Variants in COG5 observed in about 807,000 individuals in gnomAD.
COG5 encodes conserved oligomeric Golgi complex subunit 5.
Under a neutral mutation model 110.4 loss-of-function variants are expected in COG5, and 86 were observed. The ratio of observed to expected loss-of-function variants is 0.78; its 90% CI spans 0.65 to 0.93. The LOEUF (loss-of-function observed/expected upper bound fraction) is 0.93. COG5 is among the 40% of genes least tolerant of loss of function. The probability of loss-of-function intolerance (pLI) is 0.00; values close to 1 mark genes in which losing one functional copy is unlikely to be tolerated. For synonymous variants in COG5, 360 were observed against 334.6 expected (o/e 1.08, Z -0.83); for missense variants, 1,077 against 987.0 (o/e 1.09, Z -1.22).
At chr7:107,327,821 G>A (rs1185666598) in intron 10 of COG5, among the ~76,000 whole-genome samples, 5 of 152,194 alleles carry the variant, frequency 3.3e-5, no homozygotes, top group Non-Finnish European at 1.5e-5. Context: ...AGGATGTGGA[G>A]AAACTGGAAA....
intron 6 of COG5, among the ~76,000 whole-genome samples, chr7:107,478,015 C>T (rs1235956489): frequency 6.6e-6 from 1 of 151,844 alleles, no homozygotes; most frequent in East Asian, 1.9e-4. Context: ...GACCTTTCTT[C>T]AGACTAAATT....
chr7:107,465,021 T>C (rs566790999), intron 6 of COG5, among the ~76,000 whole-genome samples: 1 of 152,264 alleles, frequency 6.6e-6, no homozygotes, highest in African/African-American at 2.4e-5. Context: ...TGTTAGGGCT[T>C]TGCATTCTCA....
chr7:107,466,115 T>G (rs940165238), intron 6 of COG5, among the ~76,000 whole-genome samples: 3 of 152,160 alleles, frequency 2.0e-5, no homozygotes, highest in Admixed American at 6.5e-5. Context: ...GCTATTTGTG[T>G]AGTTCCTTGA....
At chr7:107,259,119 T>C (rs1177607917) in intron 14 of COG5, among the ~76,000 whole-genome samples, 1 of 151,986 alleles carries the variant, frequency 6.6e-6, no homozygotes, top group Non-Finnish European at 1.5e-5. Flanking sequence ...AGTTAATCTC[T>C]TAACTGTCAT....
intron 12 of COG5, among the ~76,000 whole-genome samples, chr7:107,297,541 C>T (rs935952790): frequency 4.7e-5 from 7 of 149,494 alleles, no homozygotes; most frequent in African/African-American, 1.2e-4. Flanking sequence ...CTCCGTCTCC[C>T]GGGTTCAAGC....
intron 10 of COG5, among the ~76,000 whole-genome samples, chr7:107,356,637 A>C (rs190349743): frequency 3.9e-5 from 6 of 152,278 alleles, no homozygotes; most frequent in Admixed American, 3.9e-4. Flanking sequence ...CATTTTTTTT[A>C]AGTCTGTTAT....
chr7:107,219,485 A>G (rs1029296145), intron 19 of COG5, among the ~76,000 whole-genome samples: 9 of 152,200 alleles, frequency 5.9e-5, no homozygotes, highest in African/African-American at 2.2e-4. Flanking sequence ...TATATACAAA[A>G]TAGAGTACTA....
chr7:107,207,824 T>C, intron 21 of COG5: 1 of 985,452 alleles, frequency 1.0e-6, no homozygotes, highest in Non-Finnish European at 1.2e-6. Flanking sequence ...GCATCTGGTG[T>C]CAGAAGAAAA....
chr7:107,287,472 A>T (rs1280133953), intron 12 of COG5, among the ~76,000 whole-genome samples: 1 of 152,216 alleles, frequency 6.6e-6, no homozygotes, highest in East Asian at 1.9e-4. Flanking sequence ...GACAACTTTC[A>T]TATATATAAT....
intron 10 of COG5, among the ~76,000 whole-genome samples, chr7:107,356,166 GT>G (rs1265115045): frequency 6.6e-6 from 1 of 151,926 alleles, no homozygotes; most frequent in Non-Finnish European, 1.5e-5. Flanking sequence ...GCTTTTTTGG[GT>G]AGAAATAAAA....
At chr7:107,340,220 A>G (rs1463500965) in intron 10 of COG5, among the ~76,000 whole-genome samples, 1 of 152,120 alleles carries the variant, frequency 6.6e-6, no homozygotes, top group African/African-American at 2.4e-5. Context: ...GAAATACAAA[A>G]GCTCCTCAGA....
At chr7:107,544,311 T>C (rs1424061688) in intron 5 of COG5, among the ~76,000 whole-genome samples, 2 of 152,092 alleles carry the variant, frequency 1.3e-5, no homozygotes, top group African/African-American at 2.4e-5. Context: ...GGTTGGCTCC[T>C]GCAGATTCAA....
intron 12 of COG5, among the ~76,000 whole-genome samples, chr7:107,286,305 A>G (rs372758427): frequency 3.3e-4 from 50 of 152,306 alleles, no homozygotes; most frequent in Middle Eastern, 3.4e-3. Flanking sequence ...ATTTTACTCT[A>G]AAGAACTTGT....
At position 107,281,405 on chromosome 7, in the gene COG5, G is replaced by A; in HGVS notation, c.1476-6C>T. On this transcript the variant is annotated splice_region_variant and splice_polypyrimidine_tract_variant and intron_variant, in intron 13 of 21. Transcript: ENST00000297135. The stretch of plus-strand genomic sequence containing the variant: ...CAGCAGCAACATTTAGTTCACTGGA[G>A]AAAATGAAAACAGTTTTTAAATATT... The A allele has an allele frequency of 6.2e-7, 1 of 1,601,160 alleles. No homozygotes were observed. Among genetic ancestry groups the A allele is most frequent in the Non-Finnish European group, 8.6e-7 (1 of 1,168,440 alleles).
At chr7:107,478,244 T>C (rs2129117267) in intron 6 of COG5, among the ~76,000 whole-genome samples, 1 of 152,118 alleles carries the variant, frequency 6.6e-6, no homozygotes, top group South Asian at 2.1e-4. Flanking sequence ...CTCTACCAAC[T>C]ACTACTGAAC....
At chr7:107,344,352 A>G (rs975322249) in intron 10 of COG5, among the ~76,000 whole-genome samples, 5 of 152,142 alleles carry the variant, frequency 3.3e-5, no homozygotes. Context: ...AATCTCTGCT[A>G]GCTTCCAACA....
At chr7:107,271,158 G>A (rs1299305581) in intron 14 of COG5, among the ~76,000 whole-genome samples, 3 of 152,020 alleles carry the variant, frequency 2.0e-5, no homozygotes, top group Non-Finnish European at 4.4e-5. Context: ...GAGGCAGAAA[G>A]ATCCCTTGAG....
At chr7:107,363,242 A>G (rs115836650) in intron 8 of COG5, among the ~76,000 whole-genome samples, 2 of 152,238 alleles carry the variant, frequency 1.3e-5, no homozygotes, top group Non-Finnish European at 2.9e-5. Context: ...CCATTCTCCA[A>G]TAAAAACAAA....
chr7:107,351,006 A>T (rs1812087521), intron 10 of COG5, among the ~76,000 whole-genome samples: 1 of 152,240 alleles, frequency 6.6e-6, no homozygotes, highest in Non-Finnish European at 1.5e-5. Flanking sequence ...ATTAAAAATC[A>T]TCTTTTTCTA....
Sources: allele counts gnomAD v4.1 joint callset (sites outside exome capture counted in the v4.1 genomes callset), GRCh38; gene constraint gnomAD v4.1.1; transcripts MANE v1.5; gene names NCBI Gene and HGNC (gene_info 2026-07-23, HGNC 2026-07-21).